The following FGF14 variants were observed in gnomAD, a reference collection of about 807,000 sequenced individuals.
FGF14 encodes the protein fibroblast growth factor homologous factor 4.
A neutral mutation model predicts 25.5 loss-of-function variants in FGF14; 5 were observed. That is an observed-to-expected ratio of 0.20 (90% confidence interval 0.10 to 0.41). The LOEUF is 0.41. FGF14 is among the 10% of genes least tolerant of loss of function. The probability of loss-of-function intolerance (pLI) is 1.00; values close to 1 mark genes in which losing one functional copy is unlikely to be tolerated. For synonymous variants in FGF14, 138 were observed against 118.3 expected, an observed-to-expected ratio of 1.17 and a Z score of -1.08; for missense variants, 222 against 320.1, an observed-to-expected ratio of 0.69 and a Z score of 2.34.
chr13:102,312,156 T>G (rs1044321594), intron 1 of FGF14, among the ~76,000 whole-genome samples: 12 of 151,730 alleles, frequency 7.9e-5, no homozygotes, highest in Admixed American at 2.6e-4. Flanking sequence ...AAACCATTAT[T>G]GTCCTCTCTT....
intron 3 of FGF14, among the ~76,000 whole-genome samples, chr13:101,811,181 G>A (rs2140181388): frequency 6.6e-6 from 1 of 152,086 alleles, no homozygotes; most frequent in South Asian, 2.1e-4. Context: ...ATGGGTTTGG[G>A]AAAATGTATA....
At chr13:101,769,142 C>G (rs369878455) in intron 3 of FGF14, among the ~76,000 whole-genome samples, 5 of 152,036 alleles carry the variant, frequency 3.3e-5, no homozygotes, top group South Asian at 4.2e-4. Context: ...AAAAATGGAC[C>G]AAAGACCTTA....
intron 3 of FGF14, among the ~76,000 whole-genome samples, chr13:101,797,009 CA>C (rs1427661671): frequency 1.3e-5 from 2 of 152,180 alleles, no homozygotes; most frequent in East Asian, 3.9e-4. Flanking sequence ...GCTGGAATTA[CA>C]AAAGCCAGAC....
At chr13:102,116,356 G>T (rs2045469414) in intron 1 of FGF14, among the ~76,000 whole-genome samples, 1 of 151,966 alleles carries the variant, frequency 6.6e-6, no homozygotes, top group South Asian at 2.1e-4. Context: ...ACTCCTAGGG[G>T]TGTGTGTGTG....
rs1164163918 is a variant in FGF14, at chr13:101,711,783, G to A, written c.*11048C>T. 6.6e-6 allele frequency: 1 copy of A among 152,236 alleles called. No individual in the cohort carries two copies. The highest frequency in any genetic ancestry group is 1.5e-5 in the Non-Finnish European group (1 of 68,082). The allele number at this position is 152,236 out of a possible 1,614,324, so 9.4% of individuals were successfully genotyped here. A position where few individuals can be genotyped will look rare whatever the true frequency, so the allele number is the denominator to read the frequency against. On this transcript the variant is annotated 3_prime_UTR_variant, in exon 5 of 5. Coordinates refer to ENST00000376143, the MANE Select transcript of FGF14 (RefSeq NM_004115.4). Reference sequence around the variant, plus strand: ...CCCAGGGATGGAAGCCAGCAAAAATGCACAGAAGGGAGATGGGAACATTCT... The same window carrying A: ...CCCAGGGATGGAAGCCAGCAAAAATACACAGAAGGGAGATGGGAACATTCT...
intron 1 of FGF14, among the ~76,000 whole-genome samples, chr13:101,941,242 C>A (rs966738170): frequency 6.6e-6 from 1 of 152,226 alleles, no homozygotes; most frequent in Non-Finnish European, 1.5e-5. Context: ...CATCGATATG[C>A]ACAGCCTTCA....
intron 1 of FGF14, among the ~76,000 whole-genome samples, chr13:102,110,950 T>A (rs147540382): frequency 9.8e-5 from 15 of 152,292 alleles, no homozygotes; most frequent in African/African-American, 3.6e-4. Flanking sequence ...CTTAAGAAAA[T>A]GGTTAGAATC....
chr13:102,372,566 T>C (rs1055268415), intron 1 of FGF14, among the ~76,000 whole-genome samples: 10 of 152,092 alleles, frequency 6.6e-5, no homozygotes, highest in African/African-American at 2.4e-4. Flanking sequence ...TCTATATTCT[T>C]AAAGAGACCC....
intron 1 of FGF14, among the ~76,000 whole-genome samples, chr13:102,108,044 T>TA (rs1250359341): frequency 2.1e-4 from 32 of 152,350 alleles, no homozygotes; most frequent in African/African-American, 7.5e-4. Context: ...TTATTTAGAC[T>TA]AAATAATGGC....
chr13:101,942,770 C>T (rs2035538052), intron 1 of FGF14, among the ~76,000 whole-genome samples: 1 of 152,208 alleles, frequency 6.6e-6, no homozygotes, highest in African/African-American at 2.4e-5. Flanking sequence ...TTCTATGACT[C>T]TCTCAGGATA....
At chr13:101,777,804 A>G (rs980352719) in intron 3 of FGF14, among the ~76,000 whole-genome samples, 5 of 152,112 alleles carry the variant, frequency 3.3e-5, no homozygotes, top group African/African-American at 1.2e-4. Flanking sequence ...TCTATTAAAA[A>G]TGCGAAAAAA....
intron 3 of FGF14, chr13:101,802,369 C>G: frequency 5.0e-6 from 1 of 200,642 alleles, no homozygotes; most frequent in Non-Finnish European, 1.0e-5. Flanking sequence ...AAGCACCCCA[C>G]TAAAGTTGCC....
At chr13:102,308,064 C>T (rs1414472890) in intron 1 of FGF14, among the ~76,000 whole-genome samples, 1 of 152,158 alleles carries the variant, frequency 6.6e-6, no homozygotes, top group Admixed American at 6.5e-5. Flanking sequence ...GTCCTCGAGA[C>T]ACCAGAAGGC....
At chr13:102,256,914 T>C (rs959653523) in intron 1 of FGF14, among the ~76,000 whole-genome samples, 1 of 152,210 alleles carries the variant, frequency 6.6e-6, no homozygotes, top group African/African-American at 2.4e-5. Context: ...TGAAAATATG[T>C]TGAAAAAATA....
rs570621261 is a variant in FGF14, at chr13:102,101,955, G to A, written c.209-226659C>T. ...TGACCTCAGGTGATCCACCTGTCTC[G>A]GCCTCCCAAAGTGCTGGGATTACAG... On this transcript the variant is annotated intron_variant, in intron 1 of 4. Transcript: ENST00000376131. 5.3e-5 allele frequency among the ~76,000 whole-genome samples: 8 copies of A among 152,056 alleles called. No individual in the cohort carries two copies. In the East Asian group the frequency reaches 1.4e-3, roughly 26 times the overall value.
intron 4 of FGF14, among the ~76,000 whole-genome samples, chr13:101,725,495 C>A (rs1249859858): frequency 6.6e-6 from 1 of 151,922 alleles, no homozygotes; most frequent in South Asian, 2.1e-4. Flanking sequence ...ATTGAAATTA[C>A]AGAAGTAGTA....
chr13:102,401,080 G>A (rs2058693564), intron 1 of FGF14, among the ~76,000 whole-genome samples: 1 of 152,036 alleles, frequency 6.6e-6, no homozygotes, highest in East Asian at 1.9e-4. Flanking sequence ...TACGTCCCTC[G>A]AACCTGCTGC....
At chr13:102,385,845 T>C (rs1371666832) in intron 1 of FGF14, among the ~76,000 whole-genome samples, 4 of 152,170 alleles carry the variant, frequency 2.6e-5, no homozygotes, top group Non-Finnish European at 5.9e-5. Context: ...TATTTGCCTT[T>C]CAAATTGGGA....
intron 3 of FGF14, among the ~76,000 whole-genome samples, chr13:101,858,887 T>C (rs1197491408): frequency 6.6e-6 from 1 of 152,108 alleles, no homozygotes; most frequent in Non-Finnish European, 1.5e-5. Context: ...TTACTAAAAA[T>C]TAGGGTTTTA....
Sources: allele counts gnomAD v4.1 joint callset (sites outside exome capture counted in the v4.1 genomes callset), GRCh38; gene constraint gnomAD v4.1.1; transcripts MANE v1.5; gene names NCBI Gene and HGNC (gene_info 2026-07-23, HGNC 2026-07-21).